The following MAPK10 variants were observed in gnomAD, a reference collection of about 807,000 sequenced individuals.
MAPK10 encodes JNK3 alpha protein kinase.
MAPK10 carries 25 observed loss-of-function variants against 59.3 expected under a neutral mutation model. The observed-to-expected ratio is 0.42, with a 90% CI of 0.31 to 0.59. MAPK10 has a LOEUF of 0.59. Among genes scored for constraint, MAPK10 ranks in the 20% least tolerant of loss-of-function variants. MAPK10 has a pLI of 0.15. For synonymous variants in MAPK10, 190 were observed against 200.5 expected, an observed-to-expected ratio of 0.95 and a Z score of 0.44; for missense variants, 351 against 568.9, an observed-to-expected ratio of 0.62 and a Z score of 3.90.
intron 1 of MAPK10, among the ~76,000 whole-genome samples, chr4:86,447,350 C>T (rs1258869402): frequency 7.2e-5 from 11 of 152,108 alleles, no homozygotes; most frequent in Admixed American, 7.2e-4. Context: ...TTCCTGAGGC[C>T]TCTGGAGCCA....
At chr4:86,333,828 T>C (rs923181767) in intron 2 of MAPK10, among the ~76,000 whole-genome samples, 2 of 152,222 alleles carry the variant, frequency 1.3e-5, no homozygotes, top group Admixed American at 1.3e-4. Context: ...ATTGATCTAA[T>C]ATATGTAAAA....
intron 9 of MAPK10, among the ~76,000 whole-genome samples, chr4:86,082,569 C>A (rs1351308889): frequency 6.6e-6 from 1 of 152,114 alleles, no homozygotes; most frequent in Non-Finnish European, 1.5e-5. Context: ...AAGACTCAAA[C>A]CTTCTTGGAA....
intron 13 of MAPK10, 108 bp downstream of exon 13, chr4:86,029,089 T>C: frequency 2.5e-6 from 2 of 784,550 alleles, no homozygotes; most frequent in South Asian, 2.7e-5. Context: ...ATGTGATATT[T>C]GTCCATCTGC....
chr4:86,081,213 CCTT>C (rs1302809269), intron 9 of MAPK10: 1 of 151,834 alleles, frequency 6.6e-6, no homozygotes, highest in African/African-American at 2.4e-5. Flanking sequence ...TAAAGTAGGT[CCTT>C]CTTTCACACA....
intron 2 of MAPK10, among the ~76,000 whole-genome samples, chr4:86,345,387 G>T (rs558069852): frequency 6.6e-6 from 1 of 152,152 alleles, no homozygotes; most frequent in African/African-American, 2.4e-5. Flanking sequence ...TACAGTTGAA[G>T]CTCAGCTTTG....
chr4:86,159,221 G>C, intron 4 of MAPK10, 77 bp downstream of exon 4: 2 of 1,131,666 alleles, frequency 1.8e-6, no homozygotes, highest in Non-Finnish European at 2.4e-6. Context: ...TGGGGATTTT[G>C]TTTGTTTGTG....
chr4:86,227,809 A>G (rs535944311), intron 2 of MAPK10, among the ~76,000 whole-genome samples: 25 of 152,172 alleles, frequency 1.6e-4, no homozygotes, highest in African/African-American at 6.0e-4. Context: ...TCCTTACCTC[A>G]CATTTTGTTT....
chr4:86,188,545 C>A (rs1029409184), intron 3 of MAPK10, among the ~76,000 whole-genome samples: 1 of 152,132 alleles, frequency 6.6e-6, no homozygotes, highest in African/African-American at 2.4e-5. Flanking sequence ...TAAATGTCTT[C>A]TTTTGAGAAG....
At chr4:86,373,184 G>A (rs192504019) in intron 1 of MAPK10, among the ~76,000 whole-genome samples, 39 of 152,234 alleles carry the variant, frequency 2.6e-4, no homozygotes, top group Admixed American at 5.2e-4. Context: ...AATAAACGAC[G>A]TTGGGAAAAC....
At chr4:86,514,756 T>C (rs1756531293) in intron 1 of MAPK10, among the ~76,000 whole-genome samples, 2 of 152,214 alleles carry the variant, frequency 1.3e-5, no homozygotes, top group African/African-American at 2.4e-5. Context: ...GAAGTTTCAA[T>C]CTGGGGAAAG....
intron 1 of MAPK10, among the ~76,000 whole-genome samples, chr4:86,368,407 C>A (rs990131743): frequency 2.5e-4 from 38 of 152,104 alleles, no homozygotes; most frequent in African/African-American, 8.7e-4. Flanking sequence ...TCATTCTTTG[C>A]GTTGTGCATT....
At chr4:86,483,656 C>T (rs957714344) in intron 1 of MAPK10, among the ~76,000 whole-genome samples, 5 of 151,984 alleles carry the variant, frequency 3.3e-5, no homozygotes, top group Non-Finnish European at 7.4e-5. Context: ...GATTCTATAC[C>T]TCCAATTATT....
At chr4:86,565,134 T>G (rs1326832210) in intron 1 of MAPK10, among the ~76,000 whole-genome samples, 1 of 152,184 alleles carries the variant, frequency 6.6e-6, no homozygotes, top group African/African-American at 2.4e-5. Flanking sequence ...TGAGTCCGCC[T>G]CCTACTGTAC....
intron 2 of MAPK10, among the ~76,000 whole-genome samples, chr4:86,302,167 C>T (rs1175299375): frequency 6.6e-6 from 1 of 152,228 alleles, no homozygotes; most frequent in African/African-American, 2.4e-5. Flanking sequence ...ATGATGACAG[C>T]TGTGCTGTCA....
chr4:86,452,757 G>A (rs1420067134), intron 1 of MAPK10, among the ~76,000 whole-genome samples: 1 of 152,124 alleles, frequency 6.6e-6, no homozygotes, highest in East Asian at 1.9e-4. Flanking sequence ...CGGACGGGAG[G>A]CAGGACTGGA....
intron 2 of MAPK10, among the ~76,000 whole-genome samples, chr4:86,354,193 A>C (rs1414531068): frequency 6.6e-6 from 1 of 152,130 alleles, no homozygotes; most frequent in Non-Finnish European, 1.5e-5. Context: ...TGTAAAATAT[A>C]GTACAATGTT....
intron 1 of MAPK10, among the ~76,000 whole-genome samples, chr4:86,395,289 T>G (rs1742765672): frequency 6.6e-6 from 1 of 152,238 alleles, no homozygotes; most frequent in East Asian, 1.9e-4. Flanking sequence ...GCCTTATATT[T>G]GGACAACTAA....
chr4:86,241,353 G>T (rs1205887651), intron 2 of MAPK10, among the ~76,000 whole-genome samples: 2 of 150,770 alleles, frequency 1.3e-5, no homozygotes, highest in East Asian at 3.9e-4. Context: ...AATGGTGTTT[G>T]CTGAATTTGC....
intron 2 of MAPK10, among the ~76,000 whole-genome samples, chr4:86,237,542 AC>A (rs1195018707): frequency 6.6e-6 from 1 of 152,000 alleles, no homozygotes; most frequent in African/African-American, 2.4e-5. Context: ...TTTAATAATC[AC>A]CATTCTGACT....
Sources: allele counts gnomAD v4.1 joint callset (sites outside exome capture counted in the v4.1 genomes callset), GRCh38; gene constraint gnomAD v4.1.1; transcripts MANE v1.5; gene names NCBI Gene and HGNC (gene_info 2026-07-23, HGNC 2026-07-21).